The following TLL2 variants were observed in gnomAD, a reference collection of about 807,000 sequenced individuals.
The protein encoded by TLL2 is tolloid like 2, also known as tolloid-like protein 2.
In TLL2, 106 loss-of-function variants were observed where a neutral mutation model predicts 123.0. The observed-to-expected ratio is 0.86, with a 90% CI of 0.74 to 1.01. The LOEUF is 1.01. TLL2 is among the 50% of genes least tolerant of loss of function. TLL2 has a pLI of 0.00. For synonymous variants in TLL2, 494 were observed against 516.8 expected, an observed-to-expected ratio of 0.96 and a Z score of 0.60; for missense variants, 1,332 against 1,336.7, an observed-to-expected ratio of 1.00 and a Z score of 0.06.
chr10:96,411,543 T>C (rs891555417), intron 8 of TLL2, among the ~76,000 whole-genome samples: 4 of 152,224 alleles, frequency 2.6e-5, no homozygotes, highest in African/African-American at 9.6e-5. Flanking sequence ...TTCCCCTAAT[T>C]TGTCCTCACA....
chr10:96,413,230 C>G lies in TLL2; in HGVS notation c.1010G>C (p.Gly337Ala). 6.2e-7 allele frequency: 1 copy of G among 1,614,186 alleles called. No individual in the cohort carries two copies. The highest frequency in any genetic ancestry group is 8.5e-7 in the Non-Finnish European group (1 of 1,180,012). ...CAGCTTCCGGGCTTGAGCTATGTCT[C>G]CCTGACTGAGCCGCACGCGCTGGCC... is the stretch of plus-strand genomic sequence containing the variant. ...TIGQRVRLSQGDIAQARKLYK... is the reference protein window; with the variant it reads ...TIGQRVRLSQADIAQARKLYK... The change falls in exon 8 of 21, where the codon GGA becomes GCA. Residue 337 changes from glycine (G) to alanine (A), a missense_variant. Transcript: ENST00000357947.
chr10:96,388,434 G>T (rs1846257698), intron 13 of TLL2, among the ~76,000 whole-genome samples: 1 of 152,164 alleles, frequency 6.6e-6, no homozygotes, highest in Non-Finnish European at 1.5e-5. Flanking sequence ...ACCAAATCTT[G>T]AAATAACTCT....
At position 96,452,996 on chromosome 10, in the gene TLL2, A is replaced by G. The variant is rs1333080788; in HGVS notation, c.287-6828T>C. Among the ~76,000 whole-genome samples the G allele has an allele frequency of 2.0e-5, 3 of 152,224 alleles. No homozygotes were observed. The East Asian group carries it at 5.8e-4, about 29-fold the overall frequency. On this transcript the variant is annotated intron_variant, in intron 2 of 20. Coordinates refer to ENST00000357947, the MANE Select transcript of TLL2 (RefSeq NM_012465.4). ...CAAATTTCATATGCTACAGAAGAGAACGGGAAAATGAGTTAAAAGACCATT... is the reference window on the plus strand; with the variant it reads ...CAAATTTCATATGCTACAGAAGAGAGCGGGAAAATGAGTTAAAAGACCATT...
chr10:96,411,327 CT>C (rs1846504155), intron 8 of TLL2, among the ~76,000 whole-genome samples: 1 of 141,424 alleles, frequency 7.1e-6, no homozygotes, highest in South Asian at 2.3e-4. Flanking sequence ...GAAAAAAATG[CT>C]TTGAAACTTA....
intron 1 of TLL2, among the ~76,000 whole-genome samples, chr10:96,511,033 C>T (rs1847624736): frequency 6.8e-6 from 1 of 147,058 alleles, no homozygotes; most frequent in African/African-American, 2.5e-5. Context: ...ATTCAAGACC[C>T]TCCCCTCTGC....
rs1296130327 is a variant in TLL2 at position 96,370,107 on chromosome 10, G to T, written c.2871C>A (p.Tyr957Ter). ...GGCCGAGCCTGGGCGCTGAGCTGTC[G>T]TAGCCGTCGTAGGCTTCCATGTAGT... ...GYDYMEAYDGYDSSAPRLGRF... is the reference protein window; with the variant it reads ...GYDYMEAYDG Residue 957 changes from tyrosine (Y) to a stop codon, truncating the protein, a stop_gained, in exon 20 of 21, where the codon TAC (tyrosine) becomes TAA (stop). Transcript: ENST00000357947. LOFTEE classifies it high-confidence loss of function. 6.2e-7 allele frequency: 1 copy of T among 1,612,312 alleles called. No individual in the cohort carries two copies.
chr10:96,376,651 A>G (rs1846140130), intron 18 of TLL2, 41 bp downstream of exon 18: 7 of 1,603,414 alleles, frequency 4.4e-6, no homozygotes, highest in Non-Finnish European at 6.0e-6. Context: ...TCTGCCTGAT[A>G]CTCAAGTCCA....
chr10:96,368,052 A>C lies in TLL2; in HGVS notation c.*36T>G, dbSNP rs41291624. ...TTGTTAAAAACAAAACAAAACAAAA[A>C]AAATTCTCAGTTTCTGTCTTTCAAG... On this transcript the variant is annotated 3_prime_UTR_variant, in exon 21 of 21. Coordinates refer to ENST00000357947, the MANE Select transcript of TLL2 (RefSeq NM_012465.4). 151,012 of 1,609,122 alleles carry C rather than the reference A, an allele frequency of 0.094. 7,704 individuals are homozygous for C. Among genetic ancestry groups the C allele is most frequent in the Non-Finnish European group, 0.1 (119,597 of 1,176,740 alleles).
At position 96,513,598 on chromosome 10, in the gene TLL2, G is replaced by C. The variant is rs560218238; in HGVS notation, c.88C>G (p.Pro30Ala). 1 of 1,605,306 alleles carries C rather than the reference G, an allele frequency of 6.2e-7. No homozygotes were observed. The highest frequency in any genetic ancestry group is 1.1e-5 in the South Asian group (1 of 90,998). Residue 30 changes from proline to alanine, a missense_variant, in exon 1 of 21, where the codon CCG (proline) becomes GCG (alanine). Physicochemically the swap from Pro to Ala is conservative, Grantham distance 27. Transcript: ENST00000357947. Reference protein sequence around the residue: ...PRGAGGLGERPDATADYSELD... With the variant: ...PRGAGGLGERADATADYSELD... The stretch of plus-strand genomic sequence containing the variant: ...TCTGAGTAGTCTGCGGTGGCGTCCG[G>C]GCGCTCCCCGAGTCCCCCGGCGCCG...
At position 96,402,781 on chromosome 10, in the gene TLL2, G is replaced by T. The variant is rs78517281; in HGVS notation, c.1267+2451C>A. On this transcript the variant is annotated intron_variant, in intron 10 of 20. Coordinates refer to ENST00000357947, the MANE Select transcript of TLL2 (RefSeq NM_012465.4). The stretch of plus-strand genomic sequence containing the variant: ...TCAGTCATACGAAAGATTAATGTCT[G>T]CCAGGCTACCTTGAGTCCAGCCAAC... Among the ~76,000 whole-genome samples the T allele has an allele frequency of 6.4e-3, 976 of 152,226 alleles. 6 individuals carry two copies. The highest frequency in any genetic ancestry group is 0.023 in the African/African-American group (945 of 41,526).
chr10:96,431,550 A>G (rs1846740440), intron 4 of TLL2, among the ~76,000 whole-genome samples: 1 of 152,152 alleles, frequency 6.6e-6, no homozygotes, highest in Non-Finnish European at 1.5e-5. Flanking sequence ...CTTGTCACTC[A>G]GGCTTTCCAT....
chr10:96,384,506 G>T, intron 16 of TLL2, 81 bp downstream of exon 16: 4 of 1,370,324 alleles, frequency 2.9e-6, no homozygotes, highest in Non-Finnish European at 3.9e-6. Context: ...AGAGAGAGGA[G>T]GGGGCCAGGG....
Position 96,410,402 on chromosome 10 carries a change from T to A in TLL2, c.1121A>T (p.Tyr374Phe). The change falls in exon 9 of 21, where the codon TAC (tyrosine) becomes TTC (phenylalanine). Residue 374 changes from tyrosine (Y) to phenylalanine (F), a missense_variant. By Grantham distance (22) the Tyr-to-Phe change is conservative. Transcript: ENST00000357947. ...CGAGATCCTCCAGACGCAGTGGGAG[T>A]AAGATGGGTACCCATTTGGGAAACC... ...APGFPNGYPS[Y>F]SHCVWRISVT... 1 of 1,613,446 alleles carries A rather than the reference T, an allele frequency of 6.2e-7. No homozygotes were observed. The highest frequency in any genetic ancestry group is 8.5e-7 in the Non-Finnish European group (1 of 1,179,928).
intron 4 of TLL2, among the ~76,000 whole-genome samples, chr10:96,429,658 A>G (rs192991374): frequency 1.3e-5 from 2 of 152,306 alleles, no homozygotes; most frequent in East Asian, 3.9e-4. Context: ...CCAGCACTGC[A>G]CTTCGCCCCC....
At chr10:96,420,849 G>T in intron 7 of TLL2, 107 bp downstream of exon 7, 1 of 909,322 alleles carries the variant, frequency 1.1e-6, no homozygotes, top group Non-Finnish European at 1.8e-6. Context: ...CAGGCCAGCC[G>T]TGCTAGAAGC....
At chr10:96,479,609 C>T (rs1377593347) in intron 2 of TLL2, among the ~76,000 whole-genome samples, 1 of 152,216 alleles carries the variant, frequency 6.6e-6, no homozygotes, top group Non-Finnish European at 1.5e-5. Context: ...GGAGAGGAGA[C>T]TCCATCAAGG....
chr10:96,374,182 TCAC>T, intron 18 of TLL2: 1 of 254,348 alleles, frequency 3.9e-6, no homozygotes, highest in Non-Finnish European at 7.7e-6. Flanking sequence ...AGCTTCTCTC[TCAC>T]TTAGGGCTAA....
At chr10:96,452,549 C>T (rs1334546880) in intron 2 of TLL2, among the ~76,000 whole-genome samples, 2 of 152,164 alleles carry the variant, frequency 1.3e-5, no homozygotes, top group Non-Finnish European at 2.9e-5. Flanking sequence ...GCACAGCAAT[C>T]CCGTAAATAA....
Position 96,513,851 on chromosome 10 carries a change from T to C in TLL2, c.-166A>G, listed in dbSNP as rs1311024827. 42 of 751,344 alleles carry C rather than the reference T, an allele frequency of 5.6e-5. 1 individual carries two copies. Among genetic ancestry groups the C allele is most frequent in the Non-Finnish European group, 7.7e-5 (40 of 517,000 alleles). The allele number at this position is 751,344 out of a possible 1,614,324, so 46.5% of individuals were successfully genotyped here. A position where few individuals can be genotyped will look rare whatever the true frequency, so the allele number is the denominator to read the frequency against. On this transcript the variant is annotated 5_prime_UTR_variant, in exon 1 of 21. Coordinates refer to ENST00000357947, the MANE Select transcript of TLL2 (RefSeq NM_012465.4). ...AGCAAGCGGAGCGCGGCGCCCCCTG[T>C]CTTCGTCGAGGCAACCGGGAAGCAG...
Sources: gnomAD v4.1 joint callset for allele counts (sites outside exome capture counted in the v4.1 genomes callset) on GRCh38, gnomAD v4.1.1 for gene constraint, MANE v1.5 for transcripts, NCBI Gene and HGNC (gene_info 2026-07-23, HGNC 2026-07-21) for gene names.